TUBA1C: variants seen among roughly 807,000 people sequenced by gnomAD.
TUBA1C encodes the protein tubulin alpha-1C chain.
A neutral mutation model predicts 34.9 loss-of-function variants in TUBA1C; 16 were observed. The ratio of observed to expected loss-of-function variants is 0.46; its 90% confidence interval spans 0.31 to 0.70. The LOEUF is 0.70. TUBA1C is among the 30% of genes least tolerant of loss of function. TUBA1C has a pLI of 0.05. For synonymous variants in TUBA1C, 177 were observed against 215.9 expected, an observed-to-expected ratio of 0.82 and a Z score of 1.58; for missense variants, 329 against 587.3, an observed-to-expected ratio of 0.56 and a Z score of 4.55.
intron 1 of TUBA1C, among the ~76,000 whole-genome samples, chr12:49,266,571 G>A (rs181384356): frequency 6.6e-6 from 1 of 152,162 alleles, no homozygotes; most frequent in Admixed American, 6.5e-5. Context: ...ATCTTAGGCC[G>A]GGCGCGATGG....
chr12:49,254,077 C>T (rs868251437), intron 1 of TUBA1C, among the ~76,000 whole-genome samples: 9 of 151,634 alleles, frequency 5.9e-5, no homozygotes, highest in African/African-American at 1.2e-4. Context: ...TTTGGGAGGC[C>T]GAGGCAGGCG....
At chr12:49,248,247 CCTGGTGACAGAGCAAGACTCCGTCT>C (rs1026887215) in intron 1 of TUBA1C, among the ~76,000 whole-genome samples, 4 of 148,630 alleles carry the variant, frequency 2.7e-5, no homozygotes, top group Non-Finnish European at 5.9e-5. Flanking sequence ...TACACTCCAG[CCTGGTGACAGAGCAAGACTCCGTCT>C]CAAAAGTAAA....
intron 1 of TUBA1C, among the ~76,000 whole-genome samples, chr12:49,235,588 A>G (rs1289361310): frequency 2.6e-5 from 4 of 152,102 alleles, no homozygotes; most frequent in Admixed American, 2.6e-4. Context: ...TACAAAGAGT[A>G]GCTGGGCCTG....
chr12:49,246,190 G>C (rs1446507563), intron 1 of TUBA1C, among the ~76,000 whole-genome samples: 2 of 149,326 alleles, frequency 1.3e-5, no homozygotes, highest in Admixed American at 1.3e-4. Context: ...ACAGGCGTGA[G>C]CCACTGCATC....
upstream of TUBA1C, chr12:49,264,818 TTCCTCCCCTTCCTCCC>T (rs1942879690): frequency 4.3e-5 from 4 of 93,538 alleles, no homozygotes; most frequent in Admixed American, 3.1e-4. Flanking sequence ...CTTCCTCCCC[TTCCTCCCCTTCCTCCC>T]CTTCCTCCCC....
rs1270971081 is a variant in TUBA1C, at chr12:49,254,087, G to A, written c.214-15378G>A. On this transcript the variant is annotated intron_variant, in intron 1 of 3. Coordinates refer to the TUBA1C transcript ENST00000541364. ...AGCAGTTTGGGAGGCCGAGGCAGGCGGATCACCTGAGGTCGGGATTTCGAG... is the reference window on the plus strand; with the variant it reads ...AGCAGTTTGGGAGGCCGAGGCAGGCAGATCACCTGAGGTCGGGATTTCGAG... 2.6e-5 allele frequency among the ~76,000 whole-genome samples: 4 copies of A among 152,056 alleles called. No individual in the cohort carries two copies. In the East Asian group the frequency reaches 5.8e-4, roughly 22 times the overall value.
At chr12:49,256,996 A>G (rs1942790640) in intron 1 of TUBA1C, among the ~76,000 whole-genome samples, 2 of 151,994 alleles carry the variant, frequency 1.3e-5, no homozygotes, top group South Asian at 4.1e-4. Flanking sequence ...CCTGGCCAAC[A>G]TGATGAAACC....
In TUBA1C at chr12:49,272,426, G is replaced by C; in HGVS notation, c.549G>C (p.Glu183Asp). The change falls in exon 4 of 4, where the codon GAG becomes GAC. Residue 183 changes from glutamate (E) to aspartate (D), a missense_variant. Around this residue, in one of 4 missense-constraint regions of TUBA1C, gnomAD observed 152 missense variants for 240.3 expected, o/e 0.63. Transcript: ENST00000301072. ...CCCAGGTTTCCACAGCTGTAGTTGA[G>C]CCCTACAACTCCATCCTCACCACCC... Reference protein sequence around the residue: ...PAPQVSTAVVEPYNSILTTHT... With the variant: ...PAPQVSTAVVDPYNSILTTHT... 1 of 1,613,626 alleles carries C rather than the reference G, an allele frequency of 6.2e-7. No individual in the cohort carries two copies. The highest frequency in any genetic ancestry group is 1.3e-5 in the African/African-American group (1 of 74,920).
chr12:49,242,063 C>T (rs12579189), intron 1 of TUBA1C, among the ~76,000 whole-genome samples: 5,435 of 151,622 alleles, frequency 0.036, 139 homozygotes, highest in East Asian at 0.12. Flanking sequence ...GATCTCAGCC[C>T]ACTGCAGCCT....
At chr12:49,228,063 C>T in exon 1 of TUBA1C, 1 of 1,535,732 alleles carries the variant, frequency 6.5e-7, no homozygotes, top group Non-Finnish European at 8.7e-7. Flanking sequence ...CTGTACATCT[C>T]TAACTGGATT....
At chr12:49,241,715 T>C (rs1030817471) in intron 1 of TUBA1C, among the ~76,000 whole-genome samples, 6 of 149,736 alleles carry the variant, frequency 4.0e-5, no homozygotes, top group Non-Finnish European at 8.9e-5. Flanking sequence ...AATGGCGCGA[T>C]CTCAGCTCAC....
intron 1 of TUBA1C, among the ~76,000 whole-genome samples, chr12:49,238,230 C>T (rs1226467805): frequency 1.3e-5 from 2 of 152,124 alleles, no homozygotes; most frequent in Non-Finnish European, 2.9e-5. Context: ...GCTAGTGCCA[C>T]ATCTATTGTA....
upstream of TUBA1C, chr12:49,265,033 G>T (rs919237667): frequency 6.0e-6 from 7 of 1,175,600 alleles, no homozygotes; most frequent in Middle Eastern, 3.1e-4. Context: ...CTCCCGACAC[G>T]TGGCCGGGGA....
upstream of TUBA1C, among the ~76,000 whole-genome samples, chr12:49,264,037 T>C (rs1303088558): frequency 6.6e-6 from 1 of 151,888 alleles, no homozygotes; most frequent in African/African-American, 2.4e-5. Flanking sequence ...TAGCTAACAC[T>C]GTGAAACCCC....
chr12:49,273,484 G>A lies in TUBA1C; in HGVS notation c.*257G>A. On this transcript the variant is annotated 3_prime_UTR_variant, in exon 4 of 4. Transcript: ENST00000301072. ...AGCTCATTGCAGCCTCGAGCTCCTG[G>A]ACTCATGTGATTCTCCTGCTTCAGC... 1.9e-6 allele frequency: 1 copy of A among 538,010 alleles called. No homozygotes were observed. Among genetic ancestry groups the A allele is most frequent in the Non-Finnish European group, 3.2e-6 (1 of 308,030 alleles). The allele number at this position is 538,010 out of a possible 1,614,324, so 33.3% of individuals were successfully genotyped here. A position where few individuals can be genotyped will look rare whatever the true frequency, so the allele number is the denominator to read the frequency against.
At chr12:49,240,351 C>T (rs576884333) in intron 1 of TUBA1C, among the ~76,000 whole-genome samples, 4 of 151,032 alleles carry the variant, frequency 2.6e-5, no homozygotes, top group Non-Finnish European at 5.9e-5. Flanking sequence ...TCTATCTGGA[C>T]CCTAGAGTTA....
At chr12:49,263,621 C>G (rs115051761), upstream of TUBA1C, among the ~76,000 whole-genome samples, 149 of 152,196 alleles carry the variant, frequency 9.8e-4, no homozygotes, top group African/African-American at 3.5e-3. Context: ...AGCCACCGTG[C>G]CCGGCCAGAA....
At chr12:49,228,158 G>T (rs1942459643) in exon 1 of TUBA1C, 1 of 1,535,602 alleles carries the variant, frequency 6.5e-7, no homozygotes, top group Non-Finnish European at 8.7e-7. Flanking sequence ...ACCTGGCTGT[G>T]ATTCAAAGGT....
intron 1 of TUBA1C, among the ~76,000 whole-genome samples, chr12:49,238,091 A>T (rs28758893): frequency 0.016 from 2,442 of 151,488 alleles, 67 homozygotes; most frequent in African/African-American, 0.056. Context: ...CCTGGGTGAC[A>T]AGAGCGAGAT....
Sources: gnomAD v4.1 joint callset for allele counts (sites outside exome capture counted in the v4.1 genomes callset) on GRCh38, gnomAD v4.1.1 for gene constraint, gnomAD v4.1.1 regional missense constraint, MANE v1.5 for transcripts, NCBI Gene and HGNC (gene_info 2026-07-23, HGNC 2026-07-21) for gene names.